The following EPB41L3 variants were observed in gnomAD, a reference collection of about 807,000 sequenced individuals.
EPB41L3 encodes the protein erythrocyte membrane protein band 4.1 like 3.
EPB41L3 carries 57 observed loss-of-function variants against 127.1 expected under a neutral mutation model. The ratio of observed to expected loss-of-function variants is 0.45; its 90% CI spans 0.36 to 0.56. The LOEUF (loss-of-function observed/expected upper bound fraction) is 0.56. Ranked by LOEUF, EPB41L3 falls within the 20% of genes least tolerant of loss-of-function variation. The pLI is 0.00. For synonymous variants in EPB41L3, 572 were observed against 549.5 expected (o/e 1.04, Z -0.57); for missense variants, 1,273 against 1,372.2 (o/e 0.93, Z 1.14).
chr18:5,606,436 A>G (rs1416384884), intron 3 of EPB41L3, among the ~76,000 whole-genome samples: 2 of 152,214 alleles, frequency 1.3e-5, no homozygotes, highest in African/African-American at 4.8e-5. Context: ...CCTCCCTTAC[A>G]TAGATAATAT....
intron 13 of EPB41L3, among the ~76,000 whole-genome samples, chr18:5,410,997 T>G (rs1457886235): frequency 6.6e-6 from 1 of 152,246 alleles, no homozygotes; most frequent in Admixed American, 6.5e-5. Flanking sequence ...AATTGATGTT[T>G]ATATATATTT....
At chr18:5,453,951 C>G (rs1283406066) in intron 3 of EPB41L3, among the ~76,000 whole-genome samples, 1 of 152,140 alleles carries the variant, frequency 6.6e-6, no homozygotes, top group Non-Finnish European at 1.5e-5. Context: ...AATGCCTTTT[C>G]ATTTTCCTCA....
chr18:5,596,841 T>A (rs17384218), intron 3 of EPB41L3, among the ~76,000 whole-genome samples: 4,806 of 152,296 alleles, frequency 0.032, 106 homozygotes, highest in Admixed American at 0.07. Context: ...TAATGAGGTA[T>A]TTTTCCATAA....
chr18:5,454,184 G>C (rs1370369642), intron 3 of EPB41L3, among the ~76,000 whole-genome samples: 1 of 149,308 alleles, frequency 6.7e-6, no homozygotes, highest in Non-Finnish European at 1.5e-5. Flanking sequence ...TTTAAGCGGA[G>C]AGTGTGTTTT....
At chr18:5,464,024 G>T (rs1364753072) in intron 3 of EPB41L3, among the ~76,000 whole-genome samples, 15 of 151,916 alleles carry the variant, frequency 9.9e-5, no homozygotes, top group African/African-American at 3.1e-4. Flanking sequence ...TCCTGCCCAT[G>T]GGTCCCAGGG....
Position 5,397,149 on chromosome 18 carries a change from T to C in EPB41L3, c.2750A>G (p.Glu917Gly), listed in dbSNP as rs1325482533. 6.2e-7 allele frequency: 1 copy of C among 1,614,096 alleles called. No homozygotes were observed. The highest frequency in any genetic ancestry group is 1.3e-5 in the African/African-American group (1 of 74,940). ...EEVAKAVLEQ[E>G]ETAAASRERQ... is the part of the protein sequence containing the mutation. Reference sequence around the variant, plus strand: ...CTCACGGGAAGCAGCGGCTGTCTCTTCCTGTTCCAGGACAGCTTTAGCGAC... The same window carrying C: ...CTCACGGGAAGCAGCGGCTGTCTCTCCCTGTTCCAGGACAGCTTTAGCGAC... The change falls in exon 18 of 23, where the codon GAA (glutamate) becomes GGA (glycine). Residue 917 changes from glutamate to glycine, a missense_variant. Transcript: ENST00000341928. The surrounding 1 kb of genome is among the most constrained non-coding windows in gnomAD (Gnocchi z 4.1).
At chr18:5,627,581 G>A (rs1248084133) in intron 1 of EPB41L3, among the ~76,000 whole-genome samples, 4 of 152,144 alleles carry the variant, frequency 2.6e-5, no homozygotes, top group Admixed American at 2.6e-4. Flanking sequence ...AACTCTTTGG[G>A]ATATATAGTT....
Position 5,407,699 on chromosome 18 carries a change from A to G in EPB41L3, c.2157+2T>C. Reference sequence around the variant, plus strand: ...TTGTTTGTTTTATTTTTAATTTTCTACCTGTGCCTTGAGCTCTGCATCTTC... The same window carrying G: ...TTGTTTGTTTTATTTTTAATTTTCTGCCTGTGCCTTGAGCTCTGCATCTTC... On this transcript the variant is annotated splice_donor_variant, in intron 15 of 22. Transcript: ENST00000341928. LOFTEE classifies it high-confidence loss of function. 1 of 1,613,784 alleles carries G rather than the reference A, an allele frequency of 6.2e-7. No homozygotes were observed. The highest frequency in any genetic ancestry group is 8.5e-7 in the Non-Finnish European group (1 of 1,179,876).
intron 1 of EPB41L3, among the ~76,000 whole-genome samples, chr18:5,516,700 T>G (rs1451543320): frequency 6.6e-6 from 1 of 152,192 alleles, no homozygotes; most frequent in East Asian, 1.9e-4. Context: ...ACAGACTTGG[T>G]TTTTTTAACC....
chr18:5,536,215 T>C (rs1370619034), intron 1 of EPB41L3, among the ~76,000 whole-genome samples: 1 of 152,054 alleles, frequency 6.6e-6, no homozygotes, highest in Non-Finnish European at 1.5e-5. Context: ...CACACAACAT[T>C]GAGATATACA....
intron 6 of EPB41L3, among the ~76,000 whole-genome samples, chr18:5,435,024 A>G (rs1167324237): frequency 6.6e-6 from 1 of 152,164 alleles, no homozygotes; most frequent in Non-Finnish European, 1.5e-5. Context: ...CTAATAATAT[A>G]TGTGTTTATG....
At chr18:5,571,571 C>T (rs1406092299) in intron 3 of EPB41L3, among the ~76,000 whole-genome samples, 7 of 152,258 alleles carry the variant, frequency 4.6e-5, no homozygotes, top group South Asian at 4.2e-4. Flanking sequence ...AAATTTTAAA[C>T]GTTTACAAAT....
intron 1 of EPB41L3, among the ~76,000 whole-genome samples, chr18:5,508,828 C>CT (rs1478399143): frequency 2.0e-5 from 3 of 148,424 alleles, no homozygotes; most frequent in African/African-American, 7.4e-5. Context: ...GTGTCCATTA[C>CT]TTAAGTCTGG....
At chr18:5,448,400 A>G (rs935290621) in intron 3 of EPB41L3, among the ~76,000 whole-genome samples, 2 of 152,054 alleles carry the variant, frequency 1.3e-5, no homozygotes, top group African/African-American at 4.8e-5. Context: ...TCAACTTTTC[A>G]AGTCAACTAA....
chr18:5,459,404 T>A (rs965204330), intron 3 of EPB41L3, among the ~76,000 whole-genome samples: 8 of 152,000 alleles, frequency 5.3e-5, no homozygotes, highest in Admixed American at 3.9e-4. Flanking sequence ...TCTTTTTTTT[T>A]TTGAAGGCCT....
At position 5,536,874 on chromosome 18, in the gene EPB41L3, T is replaced by C. The variant is rs116683327; in HGVS notation, c.-12+7039A>G. Among the ~76,000 whole-genome samples the C allele has an allele frequency of 6.7e-3, 1,023 of 152,162 alleles. 13 individuals carry two copies. Among genetic ancestry groups the C allele is most frequent in the African/African-American group, 0.024 (993 of 41,526 alleles). On this transcript the variant is annotated intron_variant, in intron 1 of 22. Transcript: ENST00000341928. ...AACAAACAAACAAAAAATGGTTACA[T>C]AGAAGTATTTAAGACAGAAGTCTAT...
At position 5,397,561 on chromosome 18, in the gene EPB41L3, T is replaced by C; in HGVS notation, c.2473-135A>G. 7 of 1,104,088 alleles carry C rather than the reference T, an allele frequency of 6.3e-6. No individual in the cohort carries two copies. Among genetic ancestry groups the C allele is most frequent in the Non-Finnish European group, 8.9e-6 (7 of 786,918 alleles). The allele number at this position is 1,104,088 out of a possible 1,614,324, so 68.4% of individuals were successfully genotyped here. On this transcript the variant is annotated intron_variant, in intron 17 of 22. Transcript: ENST00000341928. This position sits in a 1 kb window ranked among gnomAD's most constrained non-coding sequence, Gnocchi z 4.1. Reference sequence around the variant, plus strand: ...TAACCAGAAACACTGACGAAAAATATAAATTAGCTTTCATTTCTCCCACTG... The same window carrying C: ...TAACCAGAAACACTGACGAAAAATACAAATTAGCTTTCATTTCTCCCACTG...
intron 3 of EPB41L3, among the ~76,000 whole-genome samples, chr18:5,605,846 G>A (rs559173066): frequency 2.6e-5 from 4 of 152,266 alleles, no homozygotes; most frequent in South Asian, 2.1e-4. Flanking sequence ...GGAGGGGTTC[G>A]GAGGCAGGAG....
chr18:5,419,249 C>T (rs547317002), intron 12 of EPB41L3, among the ~76,000 whole-genome samples: 3 of 152,244 alleles, frequency 2.0e-5, no homozygotes, highest in South Asian at 2.1e-4. Context: ...GCTGATTAGG[C>T]GTAAGTATAA....
Sources: allele counts gnomAD v4.1 joint callset (sites outside exome capture counted in the v4.1 genomes callset), GRCh38; gene constraint gnomAD v4.1.1; non-coding constraint Gnocchi (gnomAD v3.1); transcripts MANE v1.5; gene names NCBI Gene and HGNC (gene_info 2026-07-23, HGNC 2026-07-21).